The following DIAPH3 variants were observed in gnomAD, a reference collection of about 807,000 sequenced individuals.
The protein encoded by DIAPH3 is protein diaphanous homolog 3.
Under a neutral mutation model 144.3 loss-of-function variants are expected in DIAPH3, and 117 were observed. That is an observed-to-expected ratio of 0.81 (90% CI 0.70 to 0.95). The LOEUF (loss-of-function observed/expected upper bound fraction) is 0.95, where lower values mean the gene tolerates loss of function less well. DIAPH3 is among the 40% of genes least tolerant of loss of function. The pLI is 0.00. For synonymous variants in DIAPH3, 519 were observed against 488.9 expected (o/e 1.06, Z -0.81); for missense variants, 1,421 against 1,412.7 (o/e 1.01, Z -0.09).
At chr13:60,151,072 T>C (rs1427962862) in intron 1 of DIAPH3, among the ~76,000 whole-genome samples, 1 of 136,212 alleles carries the variant, frequency 7.3e-6, no homozygotes, top group Non-Finnish European at 1.5e-5. Context: ...CTGGACACAA[T>C]ACCAGTGTCC....
At chr13:59,711,561 C>T (rs1385848436) in intron 27 of DIAPH3, among the ~76,000 whole-genome samples, 1 of 152,144 alleles carries the variant, frequency 6.6e-6, no homozygotes, top group African/African-American at 2.4e-5. Flanking sequence ...CCACCACTAC[C>T]CCCTCTCTTA....
chr13:60,034,741 G>A (rs192436628), intron 5 of DIAPH3: 1 of 152,162 alleles, frequency 6.6e-6, no homozygotes, highest in Admixed American at 6.5e-5. Context: ...CGGGACTACA[G>A]GCATGTGCCA....
chr13:60,058,218 G>C (rs1233217244), intron 4 of DIAPH3, among the ~76,000 whole-genome samples: 2 of 149,192 alleles, frequency 1.3e-5, no homozygotes, highest in Non-Finnish European at 3.0e-5. Context: ...CCTTTAAAAA[G>C]TGGGCAAATG....
At position 59,732,175 on chromosome 13, in the gene DIAPH3, G is replaced by GA. The variant is rs1015168810; in HGVS notation, c.3319+42013dup. Among the ~76,000 whole-genome samples the GA allele has an allele frequency of 1.7e-4, 25 of 150,130 alleles. 1 individual carries two copies. Among genetic ancestry groups the GA allele is most frequent in the Admixed American group, 2.7e-4 (4 of 15,082 alleles). ...CATCTTCCTAAAAAAGTCCTCTTGTGAAAAAAAAAGTTTATTGTTTTCCAT... is the reference window on the plus strand; with the variant it reads ...CATCTTCCTAAAAAAGTCCTCTTGTGAAAAAAAAAAGTTTATTGTTTTCCAT... On this transcript the variant is annotated intron_variant, in intron 27 of 27. Coordinates refer to ENST00000400324, the MANE Select transcript of DIAPH3 (RefSeq NM_001042517.2).
chr13:60,121,163 A>C (rs9528060), intron 2 of DIAPH3, among the ~76,000 whole-genome samples: 81,294 of 151,910 alleles, frequency 0.54, 22,243 homozygotes, highest in Admixed American at 0.6. Context: ...GTGCTTTGAA[A>C]ATATCTGATT....
At chr13:59,802,261 T>C (rs991130750) in intron 25 of DIAPH3, among the ~76,000 whole-genome samples, 2 of 152,164 alleles carry the variant, frequency 1.3e-5, no homozygotes, top group African/African-American at 2.4e-5. Flanking sequence ...GCTGAAACAA[T>C]CAGCAGCCCA....
At chr13:60,133,055 G>T in intron 1 of DIAPH3, 66 bp from the exon 2 acceptor site, 2 of 1,152,504 alleles carry the variant, frequency 1.7e-6, no homozygotes, top group Non-Finnish European at 2.6e-6. Flanking sequence ...AGTTAATAGG[G>T]TACATTCAAA....
chr13:60,111,965 T>TA, intron 3 of DIAPH3, 45 bp downstream of exon 3: 2 of 1,598,690 alleles, frequency 1.3e-6, no homozygotes, highest in Non-Finnish European at 8.6e-7. Flanking sequence ...GAGCAAAAGC[T>TA]AAGGCTTTTT....
At chr13:60,059,564 T>C (rs1338841228) in intron 4 of DIAPH3, among the ~76,000 whole-genome samples, 1 of 151,920 alleles carries the variant, frequency 6.6e-6, no homozygotes, top group African/African-American at 2.4e-5. Flanking sequence ...AATAAAAAGG[T>C]CATATGGTGT....
At chr13:59,900,970 T>A (rs941806043) in intron 20 of DIAPH3, among the ~76,000 whole-genome samples, 1 of 152,220 alleles carries the variant, frequency 6.6e-6, no homozygotes, top group Non-Finnish European at 1.5e-5. Flanking sequence ...TCAGAAACTC[T>A]AATTCACTAT....
At chr13:59,886,182 C>T (rs2045434859) in intron 20 of DIAPH3, among the ~76,000 whole-genome samples, 1 of 151,900 alleles carries the variant, frequency 6.6e-6, no homozygotes, top group African/African-American at 2.4e-5. Context: ...TGTTTAGGTC[C>T]GTACTCCATT....
chr13:59,931,301 A>G (rs2048005394), intron 17 of DIAPH3, among the ~76,000 whole-genome samples: 1 of 152,122 alleles, frequency 6.6e-6, no homozygotes, highest in African/African-American at 2.4e-5. Flanking sequence ...CACCTGGACC[A>G]CAGCCGGTTT....
intron 20 of DIAPH3, among the ~76,000 whole-genome samples, chr13:59,899,860 G>A (rs929828181): frequency 7.1e-5 from 10 of 141,650 alleles, no homozygotes; most frequent in Admixed American, 6.9e-4. Flanking sequence ...AGTCACAGTT[G>A]AAATTTCAAA....
At chr13:59,842,235 A>G (rs2042390486) in intron 22 of DIAPH3, among the ~76,000 whole-genome samples, 1 of 151,966 alleles carries the variant, frequency 6.6e-6, no homozygotes, top group South Asian at 2.1e-4. Context: ...TAAGTACTAT[A>G]TATATTAAAG....
At chr13:60,071,496 A>G (rs2057205552) in intron 4 of DIAPH3, among the ~76,000 whole-genome samples, 1 of 152,146 alleles carries the variant, frequency 6.6e-6, no homozygotes, top group Admixed American at 6.5e-5. Flanking sequence ...GAATTTAAGA[A>G]CCATTATTCT....
intron 25 of DIAPH3, among the ~76,000 whole-genome samples, chr13:59,795,245 T>C (rs2039528849): frequency 7.7e-6 from 1 of 130,196 alleles, no homozygotes; most frequent in Non-Finnish European, 1.7e-5. Context: ...GGTTATTATA[T>C]TTATATTTCT....
chr13:59,805,223 T>C (rs911694462), intron 25 of DIAPH3, among the ~76,000 whole-genome samples: 3 of 152,190 alleles, frequency 2.0e-5, no homozygotes, highest in Middle Eastern at 3.4e-3. Flanking sequence ...ACTGGGTCCA[T>C]TTCAAGGCCA....
chr13:59,779,377 C>T (rs751122668), intron 25 of DIAPH3, among the ~76,000 whole-genome samples: 10 of 152,056 alleles, frequency 6.6e-5, no homozygotes, highest in African/African-American at 9.7e-5. Flanking sequence ...TGATAAATTG[C>T]TAAGTGATAT....
intron 27 of DIAPH3, among the ~76,000 whole-genome samples, chr13:59,716,767 C>T (rs987579057): frequency 1.3e-5 from 2 of 152,048 alleles, no homozygotes; most frequent in African/African-American, 4.8e-5. Flanking sequence ...TTATTTGCTC[C>T]CTTAATACAT....
Sources: allele counts gnomAD v4.1 joint callset (sites outside exome capture counted in the v4.1 genomes callset), GRCh38; gene constraint gnomAD v4.1.1; transcripts MANE v1.5; gene names NCBI Gene and HGNC (gene_info 2026-07-23, HGNC 2026-07-21).